SOX6: variants seen among roughly 807,000 people sequenced by gnomAD.
SOX6 encodes the protein SRY-box transcription factor 6.
A neutral mutation model predicts 97.8 loss-of-function variants in SOX6; 11 were observed. That is an observed-to-expected ratio of 0.11 (90% CI 0.07 to 0.19). SOX6 has a LOEUF of 0.19. Among genes scored for constraint, SOX6 ranks in the 10% least tolerant of loss-of-function variants. The pLI, the probability that SOX6 is intolerant of heterozygous loss-of-function variation, is 1.00. For missense variants in SOX6, 810 were observed against 1,039.5 expected, an observed-to-expected ratio of 0.78 and a Z score of 3.04; for synonymous variants, 360 against 371.4, an observed-to-expected ratio of 0.97 and a Z score of 0.35.
rs559466979 is a variant in SOX6 at position 15,970,574 on chromosome 11, A to G, written c.*2235T>C. The G allele has an allele frequency of 1.2e-4, 18 of 152,750 alleles. No individual in the cohort carries two copies. Among genetic ancestry groups the G allele is most frequent in the East Asian group, 7.7e-4 (4 of 5,178 alleles). 9.5% of individuals were successfully genotyped at this position (152,750 alleles called of 1,614,324 possible). On this transcript the variant is annotated 3_prime_UTR_variant, in exon 16 of 16. Coordinates refer to ENST00000683767, the MANE Select transcript of SOX6 (RefSeq NM_001367873.1). ...AAATACTCATTTTTTGAGAGAAAAA[A>G]TGACCTCCTCCTCATTTGAAATAAA...
chr11:16,402,608 C>G, intron 1 of SOX6: 2 of 1,515,436 alleles, frequency 1.3e-6, no homozygotes, highest in Non-Finnish European at 1.8e-6. Flanking sequence ...TTAATGAAAG[C>G]AGACTGAAGT....
rs923800244 is a variant in SOX6, at chr11:16,093,270, T to C, written c.1101+2726A>G. On this transcript the variant is annotated intron_variant, in intron 9 of 15. Transcript: ENST00000683767. ...ATCTGCTGAACTGTTCAACTAAAAA[T>C]AGCACTCTTTGGCCTTCTTTCTCCT... Among the ~76,000 whole-genome samples, 12 of 151,914 alleles carry C rather than the reference T, an allele frequency of 7.9e-5. 1 individual carries two copies. Among genetic ancestry groups the C allele is most frequent in the Admixed American group, 7.9e-4 (12 of 15,222 alleles).
intron 1 of SOX6, among the ~76,000 whole-genome samples, chr11:16,431,411 A>G (rs1188320618): frequency 3.3e-5 from 5 of 152,152 alleles, no homozygotes; most frequent in African/African-American, 1.2e-4. Flanking sequence ...TCCATACAAC[A>G]AACTAGACAA....
intron 3 of SOX6, among the ~76,000 whole-genome samples, chr11:16,653,553 T>TAAGTGGGAA (rs1169970666): frequency 6.6e-6 from 1 of 152,134 alleles, no homozygotes; most frequent in African/African-American, 2.4e-5. Flanking sequence ...TTTTCACTCA[T>TAAGTGGGAA]AAGTGGGAAA....
chr11:16,731,969 T>C (rs1010608120), intron 2 of SOX6, among the ~76,000 whole-genome samples: 1 of 152,198 alleles, frequency 6.6e-6, no homozygotes, highest in African/African-American at 2.4e-5. Context: ...AGCCAAATCA[T>C]GAGTGAACTC....
chr11:16,416,868 A>G (rs983841276), intron 1 of SOX6, among the ~76,000 whole-genome samples: 1 of 152,216 alleles, frequency 6.6e-6, no homozygotes, highest in Non-Finnish European at 1.5e-5. Flanking sequence ...AATGTCAACT[A>G]GTAATTGGAT....
At chr11:16,195,865 C>T (rs1049400148) in intron 4 of SOX6, among the ~76,000 whole-genome samples, 4 of 152,078 alleles carry the variant, frequency 2.6e-5, no homozygotes, top group African/African-American at 9.7e-5. Flanking sequence ...GTCCTGCTGC[C>T]CCGGGTGCAG....
At chr11:16,472,621 A>G (rs1860158184) in intron 1 of SOX6, among the ~76,000 whole-genome samples, 1 of 152,166 alleles carries the variant, frequency 6.6e-6, no homozygotes, top group African/African-American at 2.4e-5. Flanking sequence ...ATTTATTATT[A>G]AAACATTAAA....
chr11:16,704,193 ATCT>A (rs1396561338), intron 3 of SOX6, among the ~76,000 whole-genome samples: 1 of 152,206 alleles, frequency 6.6e-6, no homozygotes, highest in Non-Finnish European at 1.5e-5. Context: ...AGCTAAAATG[ATCT>A]TCATTTCATT....
intron 4 of SOX6, among the ~76,000 whole-genome samples, chr11:16,541,463 T>C (rs571743843): frequency 2.4e-4 from 36 of 152,202 alleles, no homozygotes; most frequent in South Asian, 1.0e-3. Flanking sequence ...AAAGCCAAAA[T>C]AGACAAATGG....
At chr11:16,636,298 C>G (rs1271226315) in intron 3 of SOX6, among the ~76,000 whole-genome samples, 2 of 152,180 alleles carry the variant, frequency 1.3e-5, no homozygotes, top group Non-Finnish European at 2.9e-5. Flanking sequence ...CAAAAGAGAT[C>G]ATTTTGGAGC....
At chr11:16,375,805 C>T (rs1237710758) in intron 1 of SOX6, among the ~76,000 whole-genome samples, 5 of 151,806 alleles carry the variant, frequency 3.3e-5, no homozygotes, top group East Asian at 1.9e-4. Flanking sequence ...ATGATAGTCT[C>T]GATAAAGAAA....
chr11:16,091,197 G>A (rs946450753), intron 9 of SOX6, among the ~76,000 whole-genome samples: 1 of 152,076 alleles, frequency 6.6e-6, no homozygotes, highest in Non-Finnish European at 1.5e-5. Flanking sequence ...AAGGGTGAGT[G>A]AAGGCTGATT....
In SOX6 at chr11:16,505,057, C is replaced by T. The variant is rs562697583; in HGVS notation, n.610-28669G>A. On this transcript the variant is annotated intron_variant and non_coding_transcript_variant, in intron 4 of 5. Coordinates refer to the SOX6 transcript ENST00000524520. ...AAAGTGGGACATTTCTATAAAGATA[C>T]TTGAAAATGTGGAAGCAGCTGCAGA... Among the ~76,000 whole-genome samples, 11 of 152,248 alleles carry T rather than the reference C, an allele frequency of 7.2e-5. No individual in the cohort carries two copies. The South Asian group carries it at 2.3e-3, about 32-fold the overall frequency.
intron 2 of SOX6, among the ~76,000 whole-genome samples, chr11:16,730,769 G>A (rs1156914402): frequency 1.3e-5 from 2 of 152,004 alleles, no homozygotes; most frequent in Non-Finnish European, 2.9e-5. Context: ...AGGAGACAGA[G>A]ACATGAAAAA....
intron 4 of SOX6, among the ~76,000 whole-genome samples, chr11:16,559,039 G>A (rs1847779286): frequency 6.6e-6 from 1 of 152,000 alleles, no homozygotes. Flanking sequence ...TTAAAGAGGA[G>A]CTCATTATAT....
chr11:16,454,610 G>T (rs1041341371), intron 1 of SOX6, among the ~76,000 whole-genome samples: 3 of 152,042 alleles, frequency 2.0e-5, no homozygotes, highest in African/African-American at 4.8e-5. Context: ...GATAGACTGT[G>T]TCAAAAGGCG....
chr11:16,517,149 C>T (rs1479071964), intron 4 of SOX6, among the ~76,000 whole-genome samples: 1 of 151,998 alleles, frequency 6.6e-6, no homozygotes, highest in Non-Finnish European at 1.5e-5. Context: ...TAAAAACTCT[C>T]AATAAATTAG....
At chr11:16,718,058 G>A (rs36002981) in intron 2 of SOX6, among the ~76,000 whole-genome samples, 34,015 of 150,258 alleles carry the variant, frequency 0.23, 4,230 homozygotes, top group East Asian at 0.48. Flanking sequence ...GCCATTTCAA[G>A]CTCCAGACAT....
Sources: allele counts gnomAD v4.1 joint callset (sites outside exome capture counted in the v4.1 genomes callset), GRCh38; gene constraint gnomAD v4.1.1; transcripts MANE v1.5; gene names NCBI Gene and HGNC (gene_info 2026-07-23, HGNC 2026-07-21).